The following C1QTNF3 variants were observed in gnomAD, a reference collection of about 807,000 sequenced individuals.
C1QTNF3 encodes the protein complement C1q tumor necrosis factor-related protein 3.
In C1QTNF3, 26 loss-of-function variants were observed where a neutral mutation model predicts 32.6. That is an observed-to-expected ratio of 0.80 (90% CI 0.58 to 1.11). The LOEUF is 1.11. Ranked by LOEUF, C1QTNF3 falls within the 50% of genes least tolerant of loss-of-function variation. The pLI is 0.00. For missense variants in C1QTNF3, 362 were observed against 398.2 expected (o/e 0.91, Z 0.77); for synonymous variants, 155 against 146.0 (o/e 1.06, Z -0.44).
At chr5:34,092,847 G>C in the C1QTNF3 span, among the ~76,000 whole-genome samples, 1 of 151,722 alleles carries the variant, frequency 6.6e-6, no homozygotes, top group Non-Finnish European at 1.5e-5. Flanking sequence ...TAGACTTGTT[G>C]GTTTTCACTG....
chr5:34,072,384 A>G, the C1QTNF3 span, among the ~76,000 whole-genome samples: 1 of 149,732 alleles, frequency 6.7e-6, no homozygotes, highest in Admixed American at 6.7e-5. Context: ...AAAGAAAGAA[A>G]GAAAGAAAGA....
At chr5:34,025,114 A>G (rs1754428002) in intron 4 of C1QTNF3, among the ~76,000 whole-genome samples, 1 of 152,258 alleles carries the variant, frequency 6.6e-6, no homozygotes, top group Non-Finnish European at 1.5e-5. Context: ...TGTTCTGGGA[A>G]CAAAGGAAAT....
At chr5:34,244,126 T>G in the C1QTNF3 span, among the ~76,000 whole-genome samples, 1 of 152,216 alleles carries the variant, frequency 6.6e-6, no homozygotes, top group Non-Finnish European at 1.5e-5. Flanking sequence ...ATATTCTGCC[T>G]TTCCACCTCT....
chr5:34,110,608 T>C, the C1QTNF3 span, among the ~76,000 whole-genome samples: 1 of 152,176 alleles, frequency 6.6e-6, no homozygotes, highest in Admixed American at 6.5e-5. Flanking sequence ...ACGCAGTCAC[T>C]GCTCAGAGCA....
the C1QTNF3 span, among the ~76,000 whole-genome samples, chr5:34,057,227 A>T: frequency 6.6e-6 from 1 of 152,190 alleles, no homozygotes; most frequent in Non-Finnish European, 1.5e-5. Context: ...ATCAAGAGAT[A>T]AGTAGAACAG....
At chr5:34,039,176 A>G (rs1754811283) in intron 1 of C1QTNF3, among the ~76,000 whole-genome samples, 1 of 152,174 alleles carries the variant, frequency 6.6e-6, no homozygotes. Flanking sequence ...TCACCTCCCA[A>G]GTAAGTGCTG....
the C1QTNF3 span, among the ~76,000 whole-genome samples, chr5:34,137,751 T>C: frequency 6.6e-6 from 1 of 152,224 alleles, no homozygotes; most frequent in South Asian, 2.1e-4. Flanking sequence ...AATTTACATT[T>C]GTATAAACAT....
chr5:34,035,262 C>A (rs1754707558), intron 2 of C1QTNF3, among the ~76,000 whole-genome samples: 1 of 152,118 alleles, frequency 6.6e-6, no homozygotes, highest in South Asian at 2.1e-4. Flanking sequence ...GCATGAGAGT[C>A]AACTGAGAGA....
the C1QTNF3 span, among the ~76,000 whole-genome samples, chr5:34,069,865 A>G: frequency 6.6e-6 from 1 of 152,222 alleles, no homozygotes; most frequent in Non-Finnish European, 1.5e-5. Flanking sequence ...ATGTTACTGA[A>G]GAATATTAGA....
upstream of C1QTNF3, among the ~76,000 whole-genome samples, chr5:34,047,875 G>T (rs1755013174): frequency 6.6e-6 from 1 of 152,146 alleles, no homozygotes; most frequent in Non-Finnish European, 1.5e-5. Context: ...ATTGCCTATA[G>T]ATATTAGATA....
At chr5:34,095,306 T>C in the C1QTNF3 span, among the ~76,000 whole-genome samples, 1 of 151,508 alleles carries the variant, frequency 6.6e-6, no homozygotes, top group Non-Finnish European at 1.5e-5. Context: ...TAATCAAGGA[T>C]AGTCTAAGAT....
the C1QTNF3 span, among the ~76,000 whole-genome samples, chr5:34,205,294 C>T: frequency 6.6e-6 from 1 of 152,162 alleles, no homozygotes; most frequent in African/African-American, 2.4e-5. Flanking sequence ...GAGGTAGTGA[C>T]ATCAGTAAGA....
chr5:34,233,048 A>G, the C1QTNF3 span, among the ~76,000 whole-genome samples: 2 of 150,780 alleles, frequency 1.3e-5, no homozygotes, highest in East Asian at 4.0e-4. Flanking sequence ...TTCTTCCCAC[A>G]TAAGAATAAG....
the C1QTNF3 span, among the ~76,000 whole-genome samples, chr5:34,177,960 G>C: frequency 2.5e-4 from 38 of 151,824 alleles, no homozygotes; most frequent in Non-Finnish European, 4.3e-4. Context: ...AGACCCTCTC[G>C]AGTTTCTTAA....
At chr5:34,132,128 TG>T in the C1QTNF3 span, among the ~76,000 whole-genome samples, 1 of 152,128 alleles carries the variant, frequency 6.6e-6, no homozygotes. Flanking sequence ...GGCTCATGCC[TG>T]TAATCCCAGC....
the C1QTNF3 span, among the ~76,000 whole-genome samples, chr5:34,241,043 C>T: frequency 1.3e-5 from 2 of 151,624 alleles, no homozygotes; most frequent in South Asian, 2.1e-4. Context: ...CAATGGATGC[C>T]GGAAAAGCTT....
At chr5:34,224,263 G>A in the C1QTNF3 span, among the ~76,000 whole-genome samples, 1 of 152,276 alleles carries the variant, frequency 6.6e-6, no homozygotes, top group South Asian at 2.1e-4. Flanking sequence ...TCCCCATCAA[G>A]CTACCAATGA....
At chr5:34,226,742 C>T in the C1QTNF3 span, among the ~76,000 whole-genome samples, 1 of 151,744 alleles carries the variant, frequency 6.6e-6, no homozygotes, top group Non-Finnish European at 1.5e-5. Flanking sequence ...CTGGACAATC[C>T]TTAACACATA....
rs1754271374 is a variant in C1QTNF3, at chr5:34,019,372, T to G, written c.*1211A>C. The G allele has an allele frequency of 6.6e-6, 1 of 152,242 alleles. No homozygotes were observed. The highest frequency in any genetic ancestry group is 2.1e-4 in the South Asian group (1 of 4,834). 9.4% of individuals were successfully genotyped at this position (152,242 alleles called of 1,614,324 possible). A position where few individuals can be genotyped will look rare whatever the true frequency, so the allele number is the denominator to read the frequency against. ...GGACTTGTTGCCTACAACCAAACCT[T>G]GTGTGTCACTAAGGTGAAAACTTAG... is the stretch of plus-strand genomic sequence containing the variant. On this transcript the variant is annotated 3_prime_UTR_variant, in exon 6 of 6. Coordinates refer to ENST00000382065, the MANE Select transcript of C1QTNF3 (RefSeq NM_181435.6).
Sources: allele counts gnomAD v4.1 joint callset (sites outside exome capture counted in the v4.1 genomes callset), GRCh38; gene constraint gnomAD v4.1.1; transcripts MANE v1.5; gene names NCBI Gene and HGNC (gene_info 2026-07-23, HGNC 2026-07-21).